The following SUPT3H variants were observed in gnomAD, a reference collection of about 807,000 sequenced individuals.
SUPT3H encodes the protein transcription initiation protein SPT3 homolog.
Under a neutral mutation model 44.3 loss-of-function variants are expected in SUPT3H, and 44 were observed. That is an observed-to-expected ratio of 0.99 (90% confidence interval 0.78 to 1.28). The LOEUF (loss-of-function observed/expected upper bound fraction) is 1.28. Among genes scored for constraint, SUPT3H ranks in the 50% most tolerant of loss-of-function variants. SUPT3H has a pLI of 0.00. For missense variants in SUPT3H, 380 were observed against 387.1 expected (o/e 0.98, Z 0.15); for synonymous variants, 124 against 125.6 (o/e 0.99, Z 0.09).
intron 10 of SUPT3H, among the ~76,000 whole-genome samples, chr6:44,929,738 C>G (rs972927600): frequency 6.6e-6 from 1 of 151,238 alleles, no homozygotes; most frequent in African/African-American, 2.4e-5. Flanking sequence ...ATCAGCATCC[C>G]CAATCATGGT....
At chr6:45,158,292 A>T (rs1468119195) in intron 2 of SUPT3H, among the ~76,000 whole-genome samples, 2,859 of 32,320 alleles carry the variant, frequency 0.088, 295 homozygotes, top group East Asian at 0.16. Context: ...ATATATATAT[A>T]TATATATTTT....
chr6:45,105,828 C>T (rs1297908853), intron 3 of SUPT3H, 94 bp downstream of exon 3: 1 of 954,604 alleles, frequency 1.0e-6, no homozygotes, highest in Non-Finnish European at 1.6e-6. Flanking sequence ...AAAAGAATTC[C>T]AGCTGTAAAT....
intron 2 of SUPT3H, among the ~76,000 whole-genome samples, chr6:45,255,181 A>G (rs1309419741): frequency 6.6e-6 from 1 of 152,136 alleles, no homozygotes; most frequent in Non-Finnish European, 1.5e-5. Context: ...CACTATATAT[A>G]TAGAGAGAGA....
chr6:45,193,338 T>A (rs1337700859), intron 2 of SUPT3H, among the ~76,000 whole-genome samples: 2 of 152,144 alleles, frequency 1.3e-5, no homozygotes, highest in East Asian at 3.9e-4. Flanking sequence ...AAAATTTAGT[T>A]CCAAATTTTA....
At chr6:44,960,897 T>C (rs748173404) in intron 7 of SUPT3H, among the ~76,000 whole-genome samples, 4 of 152,210 alleles carry the variant, frequency 2.6e-5, no homozygotes, top group Non-Finnish European at 5.9e-5. Flanking sequence ...ATTTGCACTT[T>C]ATAATCTATA....
chr6:45,300,926 G>A (rs1782052118), intron 2 of SUPT3H, among the ~76,000 whole-genome samples: 1 of 152,158 alleles, frequency 6.6e-6, no homozygotes, highest in African/African-American at 2.4e-5. Flanking sequence ...TTCAGCTAAA[G>A]ACTAGCCTCA....
chr6:45,324,060 C>A (rs1372713579), intron 2 of SUPT3H, among the ~76,000 whole-genome samples: 1 of 151,992 alleles, frequency 6.6e-6, no homozygotes, highest in African/African-American at 2.4e-5. Flanking sequence ...CTAGCCACAT[C>A]CTCAGCTGTC....
At chr6:45,048,454 T>A (rs1228356481) in intron 3 of SUPT3H, among the ~76,000 whole-genome samples, 1 of 152,016 alleles carries the variant, frequency 6.6e-6, no homozygotes, top group African/African-American at 2.4e-5. Flanking sequence ...GAAATAAGAG[T>A]CTAATTTCAT....
chr6:45,011,138 TGC>T (rs1783423592), intron 5 of SUPT3H, among the ~76,000 whole-genome samples: 1 of 152,118 alleles, frequency 6.6e-6, no homozygotes, highest in African/African-American at 2.4e-5. Flanking sequence ...TGAGGATTTT[TGC>T]ATCTGTATTA....
At chr6:45,076,584 A>T (rs1245161114) in intron 3 of SUPT3H, among the ~76,000 whole-genome samples, 2 of 152,108 alleles carry the variant, frequency 1.3e-5, no homozygotes, top group Non-Finnish European at 2.9e-5. Context: ...ATGAAGTCAG[A>T]CTCACACTCA....
At chr6:45,024,364 TTC>T (rs1375626228) in intron 3 of SUPT3H, among the ~76,000 whole-genome samples, 4 of 152,216 alleles carry the variant, frequency 2.6e-5, no homozygotes, top group African/African-American at 9.6e-5. Context: ...TTTCACCAAT[TTC>T]TGTTTATTTT....
At chr6:44,847,958 C>CTTTTTTTTTT (rs969869912) in intron 10 of SUPT3H, among the ~76,000 whole-genome samples, 10 of 58,350 alleles carry the variant, frequency 1.7e-4, no homozygotes, top group African/African-American at 6.2e-4. Flanking sequence ...ATCTCTGTGT[C>CTTTTTTTTTT]TTTTTTTTTT....
intron 6 of SUPT3H, among the ~76,000 whole-genome samples, chr6:44,997,886 A>G (rs1397455982): frequency 6.6e-6 from 1 of 151,918 alleles, no homozygotes; most frequent in African/African-American, 2.4e-5. Flanking sequence ...TTACCAATTA[A>G]AACTATCATA....
intron 2 of SUPT3H, among the ~76,000 whole-genome samples, chr6:45,179,523 A>T (rs1812703906): frequency 6.6e-6 from 1 of 152,192 alleles, no homozygotes. Context: ...CAAAAAACTT[A>T]TCCACCATGA....
At chr6:44,896,167 T>A (rs990506976) in intron 10 of SUPT3H, among the ~76,000 whole-genome samples, 2 of 152,076 alleles carry the variant, frequency 1.3e-5, no homozygotes, top group African/African-American at 4.8e-5. Context: ...GGTAACGAGG[T>A]TTGAAATAAA....
At chr6:45,104,772 AC>A (rs1799052322) in intron 3 of SUPT3H, among the ~76,000 whole-genome samples, 1 of 152,074 alleles carries the variant, frequency 6.6e-6, no homozygotes. Context: ...CAACTGAAAA[AC>A]ACAAAAGTAG....
intron 5 of SUPT3H, among the ~76,000 whole-genome samples, chr6:45,011,751 GACAACTAT>G (rs1783519616): frequency 6.6e-6 from 1 of 151,274 alleles, no homozygotes; most frequent in South Asian, 2.1e-4. Context: ...CTTGCTTTTA[GACAACTAT>G]ACTTTCTCTT....
intron 10 of SUPT3H, among the ~76,000 whole-genome samples, chr6:44,859,027 A>T (rs1302023807): frequency 6.6e-6 from 1 of 152,216 alleles, no homozygotes; most frequent in African/African-American, 2.4e-5. Context: ...GCCAGGGTTA[A>T]TTTGGATTGG....
chr6:44,919,462 A>T (rs994122669), intron 10 of SUPT3H, among the ~76,000 whole-genome samples: 1 of 147,298 alleles, frequency 6.8e-6, no homozygotes, highest in South Asian at 2.1e-4. Context: ...GCTATAGTGT[A>T]TTTTTTTTTT....
Sources: gnomAD v4.1 joint callset for allele counts (sites outside exome capture counted in the v4.1 genomes callset) on GRCh38, gnomAD v4.1.1 for gene constraint, MANE v1.5 for transcripts, NCBI Gene and HGNC (gene_info 2026-07-23, HGNC 2026-07-21) for gene names.